The following E2F5 variants were observed in gnomAD, a reference collection of about 807,000 sequenced individuals.
E2F5 encodes transcription factor E2F5.
In E2F5, 23 loss-of-function variants were observed where a neutral mutation model predicts 39.1. That is an observed-to-expected ratio of 0.59 (90% CI 0.42 to 0.83). The LOEUF (loss-of-function observed/expected upper bound fraction) is 0.83. Among genes scored for constraint, E2F5 ranks in the 40% least tolerant of loss-of-function variants. The pLI, the probability that E2F5 is intolerant of heterozygous loss-of-function variation, is 0.00. For missense variants in E2F5, 365 were observed against 406.7 expected (o/e 0.90, Z 0.88); for synonymous variants, 145 against 157.8 (o/e 0.92, Z 0.61).
At chr8:85,187,928 T>A (rs1812376247) in intron 1 of E2F5, 1 of 152,190 alleles carries the variant, frequency 6.6e-6, no homozygotes, top group South Asian at 2.1e-4. Flanking sequence ...TGCCTTTTTA[T>A]GTATCTGCTA....
In E2F5 at chr8:85,209,140, A is replaced by AG. The variant is rs867825952; in HGVS notation, c.617dup. On this transcript the variant is annotated splice_acceptor_variant, in intron 5 of 7. Transcript: ENST00000416274. LOFTEE classifies it high-confidence loss of function. The stretch of plus-strand genomic sequence containing the variant: ...ATTTGTTTATACCCAATAACTTCAA[A>AG]GGGTCAGAATGGACAAAAGAAATAC... 6.2e-7 allele frequency: 1 copy of AG among 1,612,824 alleles called. No individual in the cohort carries two copies. The highest frequency in any genetic ancestry group is 8.5e-7 in the Non-Finnish European group (1 of 1,179,064).
intron 1 of E2F5, among the ~76,000 whole-genome samples, chr8:85,186,972 C>T (rs990848904): frequency 3.3e-5 from 5 of 150,460 alleles, no homozygotes; most frequent in African/African-American, 1.2e-4. Context: ...AAAAAAAATC[C>T]CTGTTAGAAC....
chr8:85,208,070 T>TTTA (rs1770438303), intron 5 of E2F5, among the ~76,000 whole-genome samples: 1 of 152,226 alleles, frequency 6.6e-6, no homozygotes, highest in Non-Finnish European at 1.5e-5. Context: ...GGCTCATGCC[T>TTTA]GTAATCTCAG....
chr8:85,206,258 C>A (rs750332216), intron 4 of E2F5, 38 bp downstream of exon 4: 5 of 1,589,056 alleles, frequency 3.1e-6, no homozygotes, highest in Middle Eastern at 1.7e-4. Flanking sequence ...TTCTTCCTCT[C>A]AACCTATTTA....
intron 6 of E2F5, among the ~76,000 whole-genome samples, chr8:85,211,643 GTTTTTTT>G (rs950695727): frequency 1.1e-4 from 6 of 52,196 alleles, no homozygotes; most frequent in African/African-American, 2.7e-4. Flanking sequence ...GTTTGTTGTT[GTTTTTTT>G]TTTTTTTTTT....
At chr8:85,180,882 CTTGT>C (rs1327200630) in intron 1 of E2F5, among the ~76,000 whole-genome samples, 9 of 147,776 alleles carry the variant, frequency 6.1e-5, no homozygotes, top group Non-Finnish European at 9.0e-5. Flanking sequence ...CCCGGCCGGT[CTTGT>C]TTGTTTTTTG....
intron 6 of E2F5, among the ~76,000 whole-genome samples, chr8:85,211,864 CCT>C (rs1325337801): frequency 1.3e-5 from 2 of 151,652 alleles, no homozygotes; most frequent in Admixed American, 1.3e-4. Context: ...GGTCTGAACT[CCT>C]GAGCTCAAGC....
At chr8:85,193,070 T>G (rs1427238374) in intron 1 of E2F5, among the ~76,000 whole-genome samples, 1 of 152,264 alleles carries the variant, frequency 6.6e-6, no homozygotes, top group Non-Finnish European at 1.5e-5. Flanking sequence ...GATACATACA[T>G]GTATACATAC....
In E2F5 at chr8:85,177,474, G is replaced by T. The variant is rs1812107316; in HGVS notation, c.54G>T (p.Gly18=). Residue 18 remains glycine, a synonymous_variant, in exon 1 of 8, where the codon GGG becomes GGT. Transcript: ENST00000416274. ...GCCAGCAGGCGCCGGCAGGGCAGGG[G>T]CAGGGCCAGCGGCCGCCGCCGCAGC... ...SSGQQAPAGQ[G]QGQRPPPQPP... 9.9e-7 allele frequency: 1 copy of T among 1,013,706 alleles called. No individual in the cohort carries two copies. The highest frequency in any genetic ancestry group is 9.9e-5 in the East Asian group (1 of 10,132). 62.8% of individuals were successfully genotyped at this position (1,013,706 alleles called of 1,614,324 possible). A position where few individuals can be genotyped will look rare whatever the true frequency, so the allele number is the denominator to read the frequency against.
intron 1 of E2F5, among the ~76,000 whole-genome samples, chr8:85,190,496 C>CTT (rs1812436856): frequency 5.3e-5 from 6 of 112,954 alleles, no homozygotes; most frequent in African/African-American, 2.1e-4. Context: ...GGAGATTTTT[C>CTT]CTTTTTTTTT....
chr8:85,182,987 C>A (rs2136040246), intron 1 of E2F5, among the ~76,000 whole-genome samples: 1 of 152,288 alleles, frequency 6.6e-6, no homozygotes, highest in Non-Finnish European at 1.5e-5. Context: ...CCCGGTGGTT[C>A]ACGCCTGTAA....
intron 1 of E2F5, among the ~76,000 whole-genome samples, chr8:85,192,592 T>TCCTGTA (rs1161212072): frequency 2.6e-5 from 4 of 152,160 alleles, no homozygotes; most frequent in Non-Finnish European, 5.9e-5. Context: ...CTACAGAGGA[T>TCCTGTA]GCAACAGGAC....
At chr8:85,211,220 TAAAAA>T (rs5892938) in intron 6 of E2F5, among the ~76,000 whole-genome samples, 2 of 112,502 alleles carry the variant, frequency 1.8e-5, no homozygotes, top group Non-Finnish European at 3.6e-5. Context: ...ACCCTATCTC[TAAAAA>T]AAAAAAAAAA....
At chr8:85,188,558 A>G (rs1020012988) in intron 1 of E2F5, among the ~76,000 whole-genome samples, 10 of 152,168 alleles carry the variant, frequency 6.6e-5, no homozygotes, top group Non-Finnish European at 5.9e-5. Flanking sequence ...GAGTGGTGCA[A>G]TCTGAAGCCA....
At position 85,191,104 on chromosome 8, in the gene E2F5, T is replaced by C. The variant is rs542012487; in HGVS notation, c.235-11043T>C. On this transcript the variant is annotated intron_variant, in intron 1 of 7. Transcript: ENST00000416274. ...ATCTATAGAACTATAAGATAATAAATTTGTGCTACTATTCAACCATTAAAA... is the reference window on the plus strand; with the variant it reads ...ATCTATAGAACTATAAGATAATAAACTTGTGCTACTATTCAACCATTAAAA... Among the ~76,000 whole-genome samples the C allele has an allele frequency of 5.3e-5, 8 of 152,240 alleles. No homozygotes were observed. In the East Asian group the frequency reaches 1.5e-3, roughly 29 times the overall value.
intron 1 of E2F5, among the ~76,000 whole-genome samples, chr8:85,182,048 A>C (rs1371625752): frequency 6.6e-6 from 1 of 152,202 alleles, no homozygotes; most frequent in Non-Finnish European, 1.5e-5. Context: ...CAATAGAAAG[A>C]CATTGAAAGT....
rs556464135 is a variant in E2F5 at position 85,189,076 on chromosome 8, A to G, written c.234+11422A>G. 5.3e-5 allele frequency among the ~76,000 whole-genome samples: 8 copies of G among 152,312 alleles called. No individual in the cohort carries two copies. In the East Asian group the frequency reaches 1.5e-3, roughly 29 times the overall value. The stretch of plus-strand genomic sequence containing the variant: ...TCTTGCTCCATCCCTTCCTAAATAA[A>G]TCATTGTTTTAATTTCACCAGTAAA... On this transcript the variant is annotated intron_variant, in intron 1 of 7. Transcript: ENST00000416274.
At chr8:85,189,031 T>A (rs146561413) in intron 1 of E2F5, among the ~76,000 whole-genome samples, 1 of 152,320 alleles carries the variant, frequency 6.6e-6, no homozygotes, top group African/African-American at 2.4e-5. Context: ...GGAAAATTGC[T>A]GAAGCGTCCT....
At chr8:85,200,013 G>A (rs943554723) in intron 1 of E2F5, among the ~76,000 whole-genome samples, 6 of 152,036 alleles carry the variant, frequency 3.9e-5, no homozygotes, top group Admixed American at 3.3e-4. Context: ...TTGGGAGGTC[G>A]AGGTGGGTGG....
Sources: gnomAD v4.1 joint callset for allele counts (sites outside exome capture counted in the v4.1 genomes callset) on GRCh38, gnomAD v4.1.1 for gene constraint, MANE v1.5 for transcripts, NCBI Gene and HGNC (gene_info 2026-07-23, HGNC 2026-07-21) for gene names.